CIMIP5: variants seen among roughly 807,000 people sequenced by gnomAD.
The protein encoded by CIMIP5 is uncharacterized protein C2orf50.
chr2:11,145,815 G>A, the CIMIP5 span: 8 of 152,248 alleles, frequency 5.3e-5, no homozygotes, highest in African/African-American at 1.7e-4. Flanking sequence ...GAGTGAGCTC[G>A]TGGAGCAGAA....
the CIMIP5 span, chr2:11,145,443 C>T: frequency 9.9e-5 from 15 of 152,140 alleles, no homozygotes; most frequent in African/African-American, 2.9e-4. Context: ...TTTTAAGGAC[C>T]CTTGTGATTA....
chr2:11,138,615 C>T, the CIMIP5 span, among the ~76,000 whole-genome samples: 22,827 of 152,118 alleles, frequency 0.15, 4,888 homozygotes, highest in African/African-American at 0.48. Flanking sequence ...AGGTGGGGCC[C>T]GGTGGAAGGC....
the CIMIP5 span, among the ~76,000 whole-genome samples, chr2:11,148,730 C>CTTTTTTTTTTTTTTTTTTTTTTTT: frequency 4.7e-5 from 3 of 63,860 alleles, 1 homozygote; most frequent in Admixed American, 3.5e-4. Context: ...CTAATGAAAA[C>CTTTTTTTTTTTTTTTTTTTTTTTT]TCTTTTTTTT....
chr2:11,137,367 C>T, the CIMIP5 span, among the ~76,000 whole-genome samples: 1 of 151,358 alleles, frequency 6.6e-6, no homozygotes, highest in Non-Finnish European at 1.5e-5. Context: ...GAGTGAGACT[C>T]CATCTCAAAA....
the CIMIP5 span, among the ~76,000 whole-genome samples, chr2:11,147,451 G>A: frequency 2.0e-5 from 3 of 152,204 alleles, no homozygotes. Context: ...GCATTAGTCA[G>A]CTGTGATAAT....
the CIMIP5 span, chr2:11,133,471 GCCAGGCCCC>G: frequency 2.5e-6 from 4 of 1,608,536 alleles, no homozygotes; most frequent in Non-Finnish European, 3.4e-6. Context: ...GCTGGTGGCT[GCCAGGCCCC>G]CCAGGCTCTG....
the CIMIP5 span, among the ~76,000 whole-genome samples, chr2:11,138,170 T>C: frequency 6.6e-6 from 1 of 152,242 alleles, no homozygotes; most frequent in Non-Finnish European, 1.5e-5. Flanking sequence ...ATGTTTATTA[T>C]CTGATGCACA....
chr2:11,152,479 T>C, the CIMIP5 span, among the ~76,000 whole-genome samples: 36,915 of 152,062 alleles, frequency 0.24, 4,852 homozygotes, highest in East Asian at 0.48. Flanking sequence ...TTGTCATAAT[T>C]TCCTGTTATA....
chr2:11,137,820 G>A, the CIMIP5 span, among the ~76,000 whole-genome samples: 1 of 152,308 alleles, frequency 6.6e-6, no homozygotes, highest in South Asian at 2.1e-4. Context: ...TTCTGAGGAG[G>A]TGTCTAAGAA....
At chr2:11,150,176 T>C in the CIMIP5 span, among the ~76,000 whole-genome samples, 2 of 151,888 alleles carry the variant, frequency 1.3e-5, no homozygotes. Flanking sequence ...TCGAACCTCG[T>C]GATCCACTCG....
the CIMIP5 span, among the ~76,000 whole-genome samples, chr2:11,140,291 C>T: frequency 6.8e-6 from 1 of 147,988 alleles, no homozygotes. Context: ...AGGAGAATGG[C>T]GTGAACCCGG....
the CIMIP5 span, among the ~76,000 whole-genome samples, chr2:11,137,451 G>T: frequency 2.6e-5 from 4 of 152,138 alleles, no homozygotes; most frequent in African/African-American, 9.7e-5. Context: ...ACTGAAGTGA[G>T]ACTTCATAAA....
At chr2:11,153,279 G>A in the CIMIP5 span, among the ~76,000 whole-genome samples, 41 of 152,200 alleles carry the variant, frequency 2.7e-4, no homozygotes, top group Non-Finnish European at 5.6e-4. Flanking sequence ...GCCAGGAGCA[G>A]CATTTGTTCC....
At chr2:11,149,900 A>G in the CIMIP5 span, among the ~76,000 whole-genome samples, 1 of 152,128 alleles carries the variant, frequency 6.6e-6, no homozygotes, top group Non-Finnish European at 1.5e-5. Flanking sequence ...GAAAGTGCAG[A>G]GTGTGGTGAG....
the CIMIP5 span, among the ~76,000 whole-genome samples, chr2:11,136,212 G>T: frequency 6.6e-6 from 1 of 152,174 alleles, no homozygotes; most frequent in Non-Finnish European, 1.5e-5. Context: ...CAAGACCAAT[G>T]TCATGAAGCT....
chr2:11,138,625 C>T, the CIMIP5 span, among the ~76,000 whole-genome samples: 3 of 152,096 alleles, frequency 2.0e-5, no homozygotes, highest in Admixed American at 1.3e-4. Flanking sequence ...CGGTGGAAGG[C>T]GATTGGATCA....
At chr2:11,143,049 A>G in the CIMIP5 span, among the ~76,000 whole-genome samples, 13 of 152,294 alleles carry the variant, frequency 8.5e-5, no homozygotes, top group East Asian at 2.3e-3. Context: ...TCCGTTACAG[A>G]GTTTACCCAA....
chr2:11,150,496 C>T, the CIMIP5 span, among the ~76,000 whole-genome samples: 37,265 of 151,454 alleles, frequency 0.25, 4,918 homozygotes, highest in East Asian at 0.48. Context: ...CCATGCCCGG[C>T]TAATTTTTGT....
At chr2:11,152,399 G>A in the CIMIP5 span, among the ~76,000 whole-genome samples, 2 of 152,358 alleles carry the variant, frequency 1.3e-5, no homozygotes, top group Non-Finnish European at 2.9e-5. Flanking sequence ...TTCAGCCTAT[G>A]CCCAGGAAGG....
Sources: allele counts gnomAD v4.1 joint callset (sites outside exome capture counted in the v4.1 genomes callset), GRCh38; gene constraint gnomAD v4.1.1; transcripts MANE v1.5; gene names NCBI Gene and HGNC (gene_info 2026-07-23, HGNC 2026-07-21).